Variants in SAMSN1 observed in about 807,000 individuals in gnomAD.
SAMSN1 encodes SAM domain-containing protein SAMSN-1.
Under a neutral mutation model 42.0 loss-of-function variants are expected in SAMSN1, and 31 were observed. The observed-to-expected ratio is 0.74, with a 90% CI of 0.55 to 1.00. The LOEUF (loss-of-function observed/expected upper bound fraction) is 1.00. Among genes scored for constraint, SAMSN1 ranks in the 50% least tolerant of loss-of-function variants. SAMSN1 has a pLI of 0.00. For missense variants in SAMSN1, 464 were observed against 439.4 expected (o/e 1.06, Z -0.50); for synonymous variants, 178 against 151.9 (o/e 1.17, Z -1.26).
At chr21:14,493,123 C>T (rs1986764571) in intron 7 of SAMSN1, among the ~76,000 whole-genome samples, 1 of 152,128 alleles carries the variant, frequency 6.6e-6, no homozygotes, top group Non-Finnish European at 1.5e-5. Flanking sequence ...GGCAGGCAGG[C>T]AGGCAGGCAG....
chr21:14,598,081 T>C (rs1325167103), intron 6 of SAMSN1: 1 of 152,128 alleles, frequency 6.6e-6, no homozygotes, highest in Non-Finnish European at 1.5e-5. Flanking sequence ...TTGAAATGGG[T>C]TAATTAATTC....
At chr21:14,571,706 T>A (rs1273060370) in intron 2 of SAMSN1, among the ~76,000 whole-genome samples, 3 of 152,204 alleles carry the variant, frequency 2.0e-5, no homozygotes, top group Admixed American at 1.3e-4. Context: ...ATTTTACATA[T>A]GCAAGACACT....
chr21:14,546,462 T>C (rs1300656481), upstream of SAMSN1: 3 of 735,524 alleles, frequency 4.1e-6, no homozygotes, highest in Non-Finnish European at 5.9e-6. Flanking sequence ...GGTAACTCTT[T>C]ATTGTCTTGC....
At chr21:14,572,633 A>T (rs529005169) in intron 2 of SAMSN1, among the ~76,000 whole-genome samples, 4 of 152,326 alleles carry the variant, frequency 2.6e-5, no homozygotes, top group African/African-American at 9.6e-5. Flanking sequence ...TGCTTTGCCT[A>T]ATTCATAGAG....
chr21:14,634,936 T>C (rs1459297316), intron 2 of SAMSN1, among the ~76,000 whole-genome samples: 1 of 152,188 alleles, frequency 6.6e-6, no homozygotes, highest in Admixed American at 6.5e-5. Flanking sequence ...CCAACCTAAA[T>C]GTCCATCAAT....
intron 1 of SAMSN1, among the ~76,000 whole-genome samples, chr21:14,539,163 T>G (rs1388278724): frequency 6.6e-6 from 1 of 152,202 alleles, no homozygotes. Flanking sequence ...AAGCTTAAAA[T>G]GAGTTACAGT....
chr21:14,565,379 G>C (rs1241357094), intron 2 of SAMSN1, among the ~76,000 whole-genome samples: 2 of 151,444 alleles, frequency 1.3e-5, no homozygotes, highest in African/African-American at 2.4e-5. Context: ...ATCCTCTATT[G>C]ATAACACTAG....
chr21:14,577,284 A>ATTTT lies in SAMSN1; in HGVS notation c.261+4848_261+4851dup, dbSNP rs58491748. Among the ~76,000 whole-genome samples the ATTTT allele has an allele frequency of 3.3e-3, 179 of 53,832 alleles. 20 individuals carry two copies. The highest frequency in any genetic ancestry group is 0.012 in the African/African-American group (144 of 11,864). 35.3% of individuals were successfully genotyped at this position (53,832 alleles called of 152,430 possible). On this transcript the variant is annotated intron_variant, in intron 2 of 8. Transcript: ENST00000285670. ...TATATATATATATATATATATATATATTTTTTTTTTAGAAGAGACAGGGTT... is the reference window on the plus strand; with the variant it reads ...TATATATATATATATATATATATATATTTTTTTTTTTTTTAGAAGAGACAGGGTT...
intron 3 of SAMSN1, among the ~76,000 whole-genome samples, chr21:14,515,763 T>C (rs1987885624): frequency 6.6e-6 from 1 of 152,012 alleles, no homozygotes; most frequent in Non-Finnish European, 1.5e-5. Context: ...AAAACTTGCA[T>C]CCAGAATATA....
At chr21:14,504,695 G>A (rs1056455441) in intron 5 of SAMSN1, among the ~76,000 whole-genome samples, 2 of 152,192 alleles carry the variant, frequency 1.3e-5, no homozygotes, top group African/African-American at 4.8e-5. Context: ...GAATAATCAA[G>A]GAAAACTTCC....
At position 14,609,584 on chromosome 21, in the gene SAMSN1, T is replaced by A. The variant is rs774014576; in HGVS notation, c.236-16A>T. The A allele has an allele frequency of 1.5e-5, 11 of 717,778 alleles. 1 individual carries two copies. Among genetic ancestry groups the A allele is most frequent in the South Asian group, 3.0e-5 (2 of 67,596 alleles). The allele number at this position is 717,778 out of a possible 1,614,324, so 44.5% of individuals were successfully genotyped here. ...GTTTTTCCTTCTAAAGTGAAGCAGATAATTGGTTAGCAGAATTCATAGTAA... is the reference window on the plus strand; with the variant it reads ...GTTTTTCCTTCTAAAGTGAAGCAGAAAATTGGTTAGCAGAATTCATAGTAA... On this transcript the variant is annotated splice_polypyrimidine_tract_variant and intron_variant, in intron 4 of 15. Coordinates refer to the SAMSN1 transcript ENST00000647101.
At chr21:14,520,569 A>G (rs1978392506) in intron 2 of SAMSN1, among the ~76,000 whole-genome samples, 1 of 152,142 alleles carries the variant, frequency 6.6e-6, no homozygotes. Flanking sequence ...AATGCCCTGC[A>G]CGGTACTGGG....
intron 3 of SAMSN1, 63 bp downstream of exon 3, chr21:14,516,829 C>T: frequency 7.3e-7 from 1 of 1,378,508 alleles, no homozygotes; most frequent in South Asian, 1.3e-5. Flanking sequence ...CTTCTATAGT[C>T]TAGCTGAATA....
At chr21:14,618,689 TGTGC>T (rs1180639902) in intron 2 of SAMSN1, among the ~76,000 whole-genome samples, 2,277 of 21,004 alleles carry the variant, frequency 0.11, 44 homozygotes, top group African/African-American at 0.19. Context: ...TGTGTGTGTG[TGTGC>T]GCGCGCGCGC....
chr21:14,544,865 A>C (rs1980285210), intron 1 of SAMSN1, among the ~76,000 whole-genome samples: 1 of 152,154 alleles, frequency 6.6e-6, no homozygotes, highest in East Asian at 1.9e-4. Context: ...TTTGAGGTAT[A>C]TCATTCTCCA....
At position 14,647,896 on chromosome 21, in the gene SAMSN1, T is replaced by A. The variant is rs971199085; in HGVS notation, c.25-4763A>T. On this transcript the variant is annotated intron_variant, in intron 1 of 15. Coordinates refer to the SAMSN1 transcript ENST00000647101. ...TTAAGGAGATTTTGGGCTGAGACAA[T>A]GGAGTTTTCTAGATATACAATCATG... 3.6e-4 allele frequency among the ~76,000 whole-genome samples: 55 copies of A among 151,724 alleles called. 2 individuals are homozygous for A. The highest frequency in any genetic ancestry group is 5.4e-4 in the Non-Finnish European group (37 of 68,010).
chr21:14,647,489 G>A (rs1983739341), intron 1 of SAMSN1, among the ~76,000 whole-genome samples: 2 of 149,226 alleles, frequency 1.3e-5, no homozygotes, highest in South Asian at 4.4e-4. Flanking sequence ...GGTTCCCTAT[G>A]AACTTTAAAG....
chr21:14,513,353 T>A (rs892837244), intron 3 of SAMSN1, among the ~76,000 whole-genome samples: 6 of 152,182 alleles, frequency 3.9e-5, no homozygotes, highest in Admixed American at 6.5e-5. Context: ...ATTCTCCACT[T>A]TTATCCATTT....
At chr21:14,602,208 TTGGCTACGTCAAAAA>T (rs923904482) in intron 5 of SAMSN1, 1 of 372,764 alleles carries the variant, frequency 2.7e-6, no homozygotes. Flanking sequence ...AGACATTACA[TTGGCTACGTCAAAAA>T]TATTTTTTTT....
Sources: gnomAD v4.1 joint callset for allele counts (sites outside exome capture counted in the v4.1 genomes callset) on GRCh38, gnomAD v4.1.1 for gene constraint, MANE v1.5 for transcripts, NCBI Gene and HGNC (gene_info 2026-07-23, HGNC 2026-07-21) for gene names.